Variants in RANBP2 observed in about 807,000 individuals in gnomAD.
RANBP2 encodes E3 SUMO-protein ligase RanBP2.
A neutral mutation model predicts 303.6 loss-of-function variants in RANBP2; 57 were observed. The ratio of observed to expected loss-of-function variants is 0.19; its 90% CI spans 0.15 to 0.23. The LOEUF is 0.23. Among genes scored for constraint, RANBP2 ranks in the 10% least tolerant of loss-of-function variants. The pLI, the probability that RANBP2 is intolerant of heterozygous loss-of-function variation, is 1.00. For synonymous variants in RANBP2, 1,167 were observed against 1,301.5 expected (o/e 0.90, Z 2.23); for missense variants, 3,138 against 3,780.8 (o/e 0.83, Z 4.46).
chr2:108,947,211 C>A, the RANBP2 span, among the ~76,000 whole-genome samples: 1 of 152,236 alleles, frequency 6.6e-6, no homozygotes, highest in Non-Finnish European at 1.5e-5. Context: ...TGTCTCACAT[C>A]CAGGGCATGC....
the RANBP2 span, among the ~76,000 whole-genome samples, chr2:109,213,175 G>A: frequency 6.6e-6 from 1 of 152,336 alleles, no homozygotes; most frequent in African/African-American, 2.4e-5. Context: ...CATGGGCGCG[G>A]TTGCTTATTC....
chr2:108,792,596 C>G, the RANBP2 span, among the ~76,000 whole-genome samples: 1 of 152,178 alleles, frequency 6.6e-6, no homozygotes, highest in Non-Finnish European at 1.5e-5. Context: ...GTGAATGTGC[C>G]TTTCACTTTT....
At chr2:109,397,726 C>A in the RANBP2 span, among the ~76,000 whole-genome samples, 1 of 152,198 alleles carries the variant, frequency 6.6e-6, no homozygotes, top group African/African-American at 2.4e-5. Context: ...TGTGCCTGGG[C>A]TGCCCCTCCC....
At chr2:108,907,991 G>C in the RANBP2 span, 1 of 1,610,754 alleles carries the variant, frequency 6.2e-7, no homozygotes, top group Non-Finnish European at 8.5e-7. Context: ...CTCAGCAGCT[G>C]CTCATTCTCG....
At chr2:109,265,878 C>A in the RANBP2 span, among the ~76,000 whole-genome samples, 2 of 152,130 alleles carry the variant, frequency 1.3e-5, no homozygotes, top group African/African-American at 4.8e-5. Flanking sequence ...GGCATTGAGA[C>A]CCTGCCAGCA....
chr2:109,629,364 T>A, the RANBP2 span, among the ~76,000 whole-genome samples: 2 of 123,528 alleles, frequency 1.6e-5, no homozygotes, highest in African/African-American at 6.3e-5. Context: ...TATTTTTTTT[T>A]TTTTTTTCAT....
At chr2:109,523,828 C>T in the RANBP2 span, among the ~76,000 whole-genome samples, 2 of 152,212 alleles carry the variant, frequency 1.3e-5, no homozygotes, top group Non-Finnish European at 2.9e-5. Flanking sequence ...GGGACATGGG[C>T]CACCAAGCAG....
chr2:109,537,562 T>C, the RANBP2 span, among the ~76,000 whole-genome samples: 17 of 84,670 alleles, frequency 2.0e-4, no homozygotes, highest in African/African-American at 4.8e-4. Context: ...TGAGTTTGGA[T>C]TTTTTTTTTA....
the RANBP2 span, among the ~76,000 whole-genome samples, chr2:109,334,910 T>C: frequency 6.6e-6 from 1 of 152,228 alleles, no homozygotes; most frequent in African/African-American, 2.4e-5. Flanking sequence ...TCTTTTTGCT[T>C]TTTAGGCTGG....
chr2:109,386,833 A>G, the RANBP2 span, among the ~76,000 whole-genome samples: 1 of 152,270 alleles, frequency 6.6e-6, no homozygotes, highest in Admixed American at 6.5e-5. Flanking sequence ...CACAAAACCA[A>G]AGACACCAAA....
At chr2:108,985,325 C>T in the RANBP2 span, among the ~76,000 whole-genome samples, 9 of 152,270 alleles carry the variant, frequency 5.9e-5, no homozygotes, top group Admixed American at 2.0e-4. Flanking sequence ...TTGCTGATTT[C>T]GTCCGACTCA....
chr2:109,012,891 G>A, the RANBP2 span, among the ~76,000 whole-genome samples: 3 of 152,164 alleles, frequency 2.0e-5, no homozygotes, highest in Non-Finnish European at 2.9e-5. Flanking sequence ...TCCAGCCTGG[G>A]CGACAGAGCG....
At chr2:109,497,169 A>G in the RANBP2 span, among the ~76,000 whole-genome samples, 1 of 152,242 alleles carries the variant, frequency 6.6e-6, no homozygotes. Context: ...TTATAGCCAT[A>G]AACAACTAAT....
chr2:109,240,651 G>A, the RANBP2 span, among the ~76,000 whole-genome samples: 3 of 152,028 alleles, frequency 2.0e-5, no homozygotes, highest in African/African-American at 7.3e-5. Flanking sequence ...TGCCACTGAC[G>A]GATTATTTCA....
At chr2:109,296,224 G>T in the RANBP2 span, among the ~76,000 whole-genome samples, 64,508 of 151,350 alleles carry the variant, frequency 0.43, 14,155 homozygotes, top group African/African-American at 0.54. Flanking sequence ...GAATGACCTA[G>T]TATTATTATT....
chr2:109,428,894 G>A, the RANBP2 span, among the ~76,000 whole-genome samples: 2 of 152,144 alleles, frequency 1.3e-5, no homozygotes, highest in African/African-American at 4.8e-5. Context: ...GCTACCTGCA[G>A]GTGCTGCCCG....
At chr2:109,011,477 A>G in the RANBP2 span, among the ~76,000 whole-genome samples, 1 of 152,082 alleles carries the variant, frequency 6.6e-6, no homozygotes, top group Non-Finnish European at 1.5e-5. Context: ...CCATAAGCTA[A>G]TAGGGTCTTT....
At chr2:108,838,574 T>C in the RANBP2 span, among the ~76,000 whole-genome samples, 39 of 152,242 alleles carry the variant, frequency 2.6e-4, no homozygotes, top group African/African-American at 8.7e-4. Flanking sequence ...GTCTTTATGG[T>C]CCTGAAATCA....
At chr2:109,166,912 CTG>C in the RANBP2 span, among the ~76,000 whole-genome samples, 2 of 152,346 alleles carry the variant, frequency 1.3e-5, no homozygotes, top group Admixed American at 6.5e-5. Context: ...CATGCCATTA[CTG>C]TGTTTATGCA....
Sources: gnomAD v4.1 joint callset for allele counts (sites outside exome capture counted in the v4.1 genomes callset) on GRCh38, gnomAD v4.1.1 for gene constraint, MANE v1.5 for transcripts, NCBI Gene and HGNC (gene_info 2026-07-23, HGNC 2026-07-21) for gene names.